The following KCNAB1 variants were observed in gnomAD, a reference collection of about 807,000 sequenced individuals.
KCNAB1 encodes voltage-gated potassium channel subunit beta-1.
Under a neutral mutation model 64.6 loss-of-function variants are expected in KCNAB1, and 35 were observed. That is an observed-to-expected ratio of 0.54 (90% CI 0.41 to 0.72). The LOEUF is 0.72. KCNAB1 is among the 30% of genes least tolerant of loss of function. The probability of loss-of-function intolerance (pLI) is 0.00; values close to 1 mark genes in which losing one functional copy is unlikely to be tolerated. For synonymous variants in KCNAB1, 177 were observed against 183.8 expected, an observed-to-expected ratio of 0.96 and a Z score of 0.30; for missense variants, 401 against 512.9, an observed-to-expected ratio of 0.78 and a Z score of 2.11.
intron 1 of KCNAB1, among the ~76,000 whole-genome samples, chr3:156,406,945 C>T (rs1377088695): frequency 6.6e-6 from 1 of 152,140 alleles, no homozygotes; most frequent in Non-Finnish European, 1.5e-5. Context: ...TGTGACCTGG[C>T]CCCAAGTGAA....
intron 1 of KCNAB1, among the ~76,000 whole-genome samples, chr3:156,290,155 G>A (rs558721855): frequency 8.5e-5 from 13 of 152,312 alleles, no homozygotes; most frequent in African/African-American, 3.1e-4. Context: ...CTTAGTGTCT[G>A]TGCCATCCAT....
intron 7 of KCNAB1, among the ~76,000 whole-genome samples, chr3:156,471,205 C>T (rs1047192756): frequency 3.3e-5 from 5 of 152,190 alleles, no homozygotes; most frequent in Admixed American, 3.3e-4. Flanking sequence ...GTGAACACCC[C>T]ATCCACCTCT....
At chr3:156,345,008 G>T (rs1724389852) in intron 1 of KCNAB1, among the ~76,000 whole-genome samples, 1 of 152,078 alleles carries the variant, frequency 6.6e-6, no homozygotes, top group Non-Finnish European at 1.5e-5. Flanking sequence ...ATCTTTTCTG[G>T]AATGAGAACT....
intron 1 of KCNAB1, among the ~76,000 whole-genome samples, chr3:156,187,345 G>A (rs894322805): frequency 2.6e-5 from 4 of 152,066 alleles, no homozygotes; most frequent in Non-Finnish European, 4.4e-5. Flanking sequence ...TTTGTCTTTT[G>A]TCCATTTGTC....
intron 1 of KCNAB1, chr3:156,176,424 A>T (rs943464646): frequency 3.3e-5 from 26 of 784,072 alleles, no homozygotes; most frequent in Non-Finnish European, 3.6e-5. Context: ...AGTGCAAACA[A>T]GGTGGCTAGA....
intron 1 of KCNAB1, among the ~76,000 whole-genome samples, chr3:156,355,506 C>A (rs1725172134): frequency 6.6e-6 from 1 of 152,134 alleles, no homozygotes; most frequent in Non-Finnish European, 1.5e-5. Flanking sequence ...GTTGACCTAC[C>A]TGAAAGGTCT....
At chr3:156,497,846 T>G (rs1716111440) in intron 8 of KCNAB1, among the ~76,000 whole-genome samples, 2 of 152,206 alleles carry the variant, frequency 1.3e-5, no homozygotes, top group South Asian at 4.1e-4. Context: ...AAAGGCTTGT[T>G]TCTTCAAATG....
At chr3:156,391,132 T>C (rs1293321686) in intron 1 of KCNAB1, among the ~76,000 whole-genome samples, 1 of 152,184 alleles carries the variant, frequency 6.6e-6, no homozygotes, top group South Asian at 2.1e-4. Context: ...TAGCAGTCCC[T>C]GAAGGTCAAC....
chr3:156,435,516 T>C (rs1417151677), intron 2 of KCNAB1, among the ~76,000 whole-genome samples: 1 of 152,100 alleles, frequency 6.6e-6, no homozygotes, highest in Non-Finnish European at 1.5e-5. Context: ...AGGATGTGGG[T>C]TTTTGTCAGG....
chr3:156,338,820 C>A (rs150629759), intron 1 of KCNAB1, among the ~76,000 whole-genome samples: 2,149 of 152,294 alleles, frequency 0.014, 21 homozygotes, highest in South Asian at 0.031. Context: ...CTCAGTGAGT[C>A]ATTGTCCTGT....
At chr3:156,339,504 C>A (rs1199032257) in intron 1 of KCNAB1, among the ~76,000 whole-genome samples, 2 of 152,190 alleles carry the variant, frequency 1.3e-5, no homozygotes, top group African/African-American at 2.4e-5. Flanking sequence ...CCAAAGGTGA[C>A]AAGTTGCAGA....
chr3:156,294,665 G>T (rs1347617645), intron 1 of KCNAB1, among the ~76,000 whole-genome samples: 1 of 152,130 alleles, frequency 6.6e-6, no homozygotes, highest in Non-Finnish European at 1.5e-5. Context: ...AAGATAATTG[G>T]CTTAGGTAAG....
At chr3:156,501,037 C>T (rs1436792928) in intron 8 of KCNAB1, among the ~76,000 whole-genome samples, 4 of 152,224 alleles carry the variant, frequency 2.6e-5, no homozygotes, top group Non-Finnish European at 5.9e-5. Context: ...TCCGTCTCTA[C>T]TAGAGGCCGC....
rs1035376039 is a variant in KCNAB1, at chr3:156,537,886, A to G, written c.*1139A>G. 6.6e-6 allele frequency: 1 copy of G among 152,372 alleles called. No homozygotes were observed. Among genetic ancestry groups the G allele is most frequent in the Non-Finnish European group, 1.5e-5 (1 of 68,040 alleles). 9.4% of individuals were successfully genotyped at this position (152,372 alleles called of 1,614,324 possible). A position where few individuals can be genotyped will look rare whatever the true frequency, so the allele number is the denominator to read the frequency against. ...AAAATGCTATGTCACTATTCAGAATATGCTGGGTAAATTGACTTGCCTAGT... is the reference window on the plus strand; with the variant it reads ...AAAATGCTATGTCACTATTCAGAATGTGCTGGGTAAATTGACTTGCCTAGT... On this transcript the variant is annotated 3_prime_UTR_variant, in exon 14 of 14. Coordinates refer to ENST00000490337, the MANE Select transcript of KCNAB1 (RefSeq NM_172160.3).
chr3:156,308,666 C>T (rs1198399630), intron 1 of KCNAB1, among the ~76,000 whole-genome samples: 1 of 152,156 alleles, frequency 6.6e-6, no homozygotes, highest in Non-Finnish European at 1.5e-5. Context: ...TTGATGCTGG[C>T]CAAGCTTTTC....
chr3:156,214,633 G>A (rs1715204817), intron 1 of KCNAB1, among the ~76,000 whole-genome samples: 1 of 152,178 alleles, frequency 6.6e-6, no homozygotes, highest in South Asian at 2.1e-4. Flanking sequence ...TCTCAAGGTA[G>A]GGCATTCAGC....
At chr3:156,379,261 G>C (rs922329298) in intron 1 of KCNAB1, among the ~76,000 whole-genome samples, 1 of 152,128 alleles carries the variant, frequency 6.6e-6, no homozygotes, top group Non-Finnish European at 1.5e-5. Context: ...CCAGGTGCTG[G>C]GGACATAGCA....
chr3:156,118,248 G>T, upstream of KCNAB1: 1 of 444,174 alleles, frequency 2.3e-6, no homozygotes, highest in South Asian at 1.6e-5. Flanking sequence ...AGTCATCTAA[G>T]GATACTGCTC....
intron 1 of KCNAB1, among the ~76,000 whole-genome samples, chr3:156,359,873 G>A (rs896540649): frequency 6.6e-6 from 1 of 152,132 alleles, no homozygotes; most frequent in African/African-American, 2.4e-5. Flanking sequence ...AGGCAATGGT[G>A]GTATGGTAGA....
Sources: gnomAD v4.1 joint callset for allele counts (sites outside exome capture counted in the v4.1 genomes callset) on GRCh38, gnomAD v4.1.1 for gene constraint, MANE v1.5 for transcripts, NCBI Gene and HGNC (gene_info 2026-07-23, HGNC 2026-07-21) for gene names.